Variants in EPHA5 observed in about 807,000 individuals in gnomAD.
EPHA5 encodes the protein ephrin type-A receptor 5.
A neutral mutation model predicts 105.0 loss-of-function variants in EPHA5; 60 were observed. The ratio of observed to expected loss-of-function variants is 0.57; its 90% CI spans 0.46 to 0.71. EPHA5 has a LOEUF of 0.71. Among genes scored for constraint, EPHA5 ranks in the 30% least tolerant of loss-of-function variants. EPHA5 has a pLI of 0.00. For missense variants in EPHA5, 1,218 were observed against 1,274.7 expected, an observed-to-expected ratio of 0.96 and a Z score of 0.68; for synonymous variants, 513 against 449.1, an observed-to-expected ratio of 1.14 and a Z score of -1.80.
intron 3 of EPHA5, among the ~76,000 whole-genome samples, chr4:65,574,631 T>TATATATACACATATATATATATATACAC (rs1740629595): frequency 1.2e-5 from 1 of 81,672 alleles, no homozygotes; most frequent in Admixed American, 1.1e-4. Context: ...TATATACACA[T>TATATATACACATATATATATATATACAC]ATATATATAC....
At chr4:65,326,642 A>T (rs966374019) in intron 16 of EPHA5, among the ~76,000 whole-genome samples, 3 of 151,196 alleles carry the variant, frequency 2.0e-5, no homozygotes, top group Non-Finnish European at 4.4e-5. Context: ...AAGGATGAAA[A>T]TTTTTCCTAA....
chr4:65,432,896 C>T (rs1725113609), intron 5 of EPHA5, among the ~76,000 whole-genome samples: 1 of 151,376 alleles, frequency 6.6e-6, no homozygotes, highest in African/African-American at 2.4e-5. Flanking sequence ...TATTTAGTGC[C>T]TCTATATTTT....
chr4:65,652,737 T>C (rs1383310574), intron 1 of EPHA5, among the ~76,000 whole-genome samples: 1 of 152,168 alleles, frequency 6.6e-6, no homozygotes, highest in Non-Finnish European at 1.5e-5. Flanking sequence ...GCTTCAATTT[T>C]ATTGTATATC....
chr4:65,636,959 T>A (rs1025430028), intron 2 of EPHA5, among the ~76,000 whole-genome samples: 2 of 151,994 alleles, frequency 1.3e-5, no homozygotes, highest in East Asian at 1.9e-4. Context: ...GTTGAATGAA[T>A]AAATGCAGCA....
intron 3 of EPHA5, among the ~76,000 whole-genome samples, chr4:65,579,356 G>GTA (rs1424792562): frequency 5.6e-5 from 5 of 88,648 alleles, no homozygotes; most frequent in African/African-American, 2.1e-4. Flanking sequence ...ATATGTATGT[G>GTA]TGTATATATA....
At chr4:65,359,974 C>T (rs1312359361) in intron 11 of EPHA5, among the ~76,000 whole-genome samples, 1 of 151,666 alleles carries the variant, frequency 6.6e-6, no homozygotes, top group African/African-American at 2.4e-5. Context: ...TCCTCTCAAT[C>T]ATTCCACTGC....
At chr4:65,629,703 T>G (rs1254143946) in intron 2 of EPHA5, among the ~76,000 whole-genome samples, 1 of 152,080 alleles carries the variant, frequency 6.6e-6, no homozygotes, top group Non-Finnish European at 1.5e-5. Context: ...TTTTTGATAC[T>G]TTTTTTTCTA....
Position 65,420,578 on chromosome 4 carries a change from T to G in EPHA5, c.1403-13A>C. On this transcript the variant is annotated splice_polypyrimidine_tract_variant and intron_variant, in intron 5 of 16. Coordinates refer to ENST00000613740, the MANE Select transcript of EPHA5 (RefSeq NM_001281766.3). Reference sequence around the variant, plus strand: ...ACTGGAGATGGAGCTGCAAAATAGTTTAAATAAGGAGCAGTATGATTAATA... The same window carrying G: ...ACTGGAGATGGAGCTGCAAAATAGTGTAAATAAGGAGCAGTATGATTAATA... The G allele has an allele frequency of 6.2e-7, 1 of 1,611,198 alleles. No individual in the cohort carries two copies. Among genetic ancestry groups the G allele is most frequent in the South Asian group, 1.1e-5 (1 of 90,704 alleles).
In EPHA5 at chr4:65,440,193, T is replaced by C. The variant is rs143260868; in HGVS notation, c.1403-19628A>G. On this transcript the variant is annotated intron_variant, in intron 5 of 16. Transcript: ENST00000613740. ...TTCAGAAATATTGTCATTAACATTGTCATAGACATAATCAATATGAATACT... is the reference window on the plus strand; with the variant it reads ...TTCAGAAATATTGTCATTAACATTGCCATAGACATAATCAATATGAATACT... 3.3e-5 allele frequency among the ~76,000 whole-genome samples: 5 copies of C among 152,150 alleles called. No homozygotes were observed. The East Asian group carries it at 9.6e-4, about 29-fold the overall frequency.
intron 3 of EPHA5, among the ~76,000 whole-genome samples, chr4:65,508,009 T>C (rs1733237387): frequency 6.6e-6 from 1 of 152,130 alleles, no homozygotes; most frequent in South Asian, 2.1e-4. Context: ...TAGGCTCTTT[T>C]ACTTTGTTTC....
intron 5 of EPHA5, among the ~76,000 whole-genome samples, chr4:65,432,418 C>T (rs1326629615): frequency 3.3e-5 from 5 of 152,140 alleles, no homozygotes; most frequent in Non-Finnish European, 7.4e-5. Context: ...TGGTTAACAA[C>T]ACTTTCTAGA....
intron 3 of EPHA5, among the ~76,000 whole-genome samples, chr4:65,569,527 T>C (rs1739901894): frequency 6.6e-6 from 1 of 151,680 alleles, no homozygotes; most frequent in Non-Finnish European, 1.5e-5. Context: ...ATACAAATAT[T>C]TCTGAGTCAA....
rs2149036412 is a variant in EPHA5, at chr4:65,420,440, C to T, written c.1527+1G>A. On this transcript the variant is annotated splice_donor_variant, in intron 6 of 16. Coordinates refer to ENST00000613740, the MANE Select transcript of EPHA5 (RefSeq NM_001281766.3). LOFTEE classifies it high-confidence loss of function. ...GACATTTTTTATTCTGTTAGTCTTA[C>T]CTTTTCAAAATACTTGATTTCATAC... The T allele has an allele frequency of 6.3e-7, 1 of 1,576,324 alleles. No homozygotes were observed. Among genetic ancestry groups the T allele is most frequent in the Non-Finnish European group, 8.6e-7 (1 of 1,163,564 alleles).
At chr4:65,420,020 T>C (rs1042359062) in intron 6 of EPHA5, among the ~76,000 whole-genome samples, 7 of 152,184 alleles carry the variant, frequency 4.6e-5, no homozygotes, top group South Asian at 2.1e-4. Context: ...AAAAAATGTA[T>C]GTGATATATG....
intron 1 of EPHA5, among the ~76,000 whole-genome samples, chr4:65,664,902 T>C (rs1749837270): frequency 6.6e-6 from 1 of 151,970 alleles, no homozygotes; most frequent in Non-Finnish European, 1.5e-5. Context: ...TTAATTCTGA[T>C]GCTTTATAAA....
chr4:65,555,864 GA>G (rs1443192592), intron 3 of EPHA5, among the ~76,000 whole-genome samples: 1 of 152,050 alleles, frequency 6.6e-6, no homozygotes, highest in Non-Finnish European at 1.5e-5. Context: ...TATTTATTTA[GA>G]AGCTCTTTTT....
intron 3 of EPHA5, chr4:65,574,253 T>G: frequency 6.3e-7 from 1 of 1,594,636 alleles, no homozygotes; most frequent in South Asian, 1.1e-5. Context: ...TCAAAGCTAT[T>G]CCTCAGCTCC....
At chr4:65,606,601 C>T (rs1175798855) in intron 2 of EPHA5, among the ~76,000 whole-genome samples, 1 of 152,036 alleles carries the variant, frequency 6.6e-6, no homozygotes, top group African/African-American at 2.4e-5. Flanking sequence ...TTTAGTTTTG[C>T]CTATTAACCT....
chr4:65,637,546 T>C (rs371983056), intron 2 of EPHA5, among the ~76,000 whole-genome samples: 4 of 141,886 alleles, frequency 2.8e-5, no homozygotes, highest in Non-Finnish European at 4.6e-5. Context: ...TGAACTCATA[T>C]ATATACACAA....
Sources: allele counts gnomAD v4.1 joint callset (sites outside exome capture counted in the v4.1 genomes callset), GRCh38; gene constraint gnomAD v4.1.1; transcripts MANE v1.5; gene names NCBI Gene and HGNC (gene_info 2026-07-23, HGNC 2026-07-21).